The following HFM1 variants were observed in gnomAD, a reference collection of about 807,000 sequenced individuals.
The protein encoded by HFM1 is probable ATP-dependent DNA helicase HFM1.
Under a neutral mutation model 192.1 loss-of-function variants are expected in HFM1, and 169 were observed. The observed-to-expected ratio is 0.88, with a 90% CI of 0.78 to 1.00. The LOEUF is 1.00. Ranked by LOEUF, HFM1 falls within the 50% of genes least tolerant of loss-of-function variation. The pLI is 0.00. For synonymous variants in HFM1, 525 were observed against 537.8 expected (o/e 0.98, Z 0.33); for missense variants, 1,661 against 1,668.0 (o/e 1.00, Z 0.07).
In HFM1 at chr1:91,385,660, A is replaced by G. The variant is rs769478853; in HGVS notation, c.669T>C (p.Asn223=). ...FQYSANVFTA[N]NAFSASEIGE... ...CGATTTCAGAAGCAGAAAAAGCATT[A>G]TTTGCTGTAAACACATTTGCAGAAT... The change falls in exon 5 of 39, where the codon AAT becomes AAC. Residue 223 remains asparagine (N), a synonymous_variant. Coordinates refer to ENST00000370425, the MANE Select transcript of HFM1 (RefSeq NM_001017975.6). 2 of 1,611,616 alleles carry G rather than the reference A, an allele frequency of 1.2e-6. No homozygotes were observed. The highest frequency in any genetic ancestry group is 1.1e-5 in the South Asian group (1 of 91,048).
chr1:91,305,380 C>A (rs1649446641), intron 30 of HFM1, among the ~76,000 whole-genome samples: 1 of 152,016 alleles, frequency 6.6e-6, no homozygotes, highest in Non-Finnish European at 1.5e-5. Flanking sequence ...TCACTTCTTA[C>A]ACTTTTTTGT....
At chr1:91,381,947 G>T (rs1179907513) in intron 6 of HFM1, among the ~76,000 whole-genome samples, 1 of 152,066 alleles carries the variant, frequency 6.6e-6, no homozygotes, top group Non-Finnish European at 1.5e-5. Context: ...CTCTCAAAGT[G>T]TATGGCTATA....
intron 11 of HFM1, among the ~76,000 whole-genome samples, chr1:91,376,859 A>G (rs1178556459): frequency 6.6e-6 from 1 of 151,864 alleles, no homozygotes; most frequent in East Asian, 1.9e-4. Context: ...TATTGAAAGA[A>G]GCACTTCTTT....
intron 30 of HFM1, among the ~76,000 whole-genome samples, chr1:91,282,916 C>T (rs1257679504): frequency 2.0e-5 from 3 of 152,246 alleles, no homozygotes; most frequent in Non-Finnish European, 2.9e-5. Context: ...CACATTTGCT[C>T]CCAGTGGCAG....
At chr1:91,261,739 G>T (rs1441672496) in intron 38 of HFM1, 1 of 157,844 alleles carries the variant, frequency 6.3e-6, no homozygotes, top group Non-Finnish European at 1.4e-5. Context: ...AAGCAAAACA[G>T]TGTGAACAGG....
chr1:91,387,587 C>A (rs148406247), intron 4 of HFM1, among the ~76,000 whole-genome samples: 385 of 152,048 alleles, frequency 2.5e-3, no homozygotes, highest in African/African-American at 8.5e-3. Context: ...GGCACTGTCC[C>A]CGGAAATGAT....
At chr1:91,305,000 C>T (rs982656048) in intron 30 of HFM1, among the ~76,000 whole-genome samples, 1 of 152,150 alleles carries the variant, frequency 6.6e-6, no homozygotes, top group African/African-American at 2.4e-5. Context: ...TATTTCTACA[C>T]TCTCAGTTGT....
chr1:91,262,991 T>C (rs772066299), intron 36 of HFM1, among the ~76,000 whole-genome samples: 17 of 152,166 alleles, frequency 1.1e-4, no homozygotes, highest in Non-Finnish European at 1.6e-4. Flanking sequence ...TAGATATAAC[T>C]GTATAGAAGA....
intron 20 of HFM1, among the ~76,000 whole-genome samples, chr1:91,335,909 C>A (rs551017918): frequency 6.6e-6 from 1 of 152,130 alleles, no homozygotes; most frequent in South Asian, 2.1e-4. Context: ...GAGTTCCTAT[C>A]AACTTTGCCA....
chr1:91,352,427 A>G, intron 16 of HFM1, 79 bp downstream of exon 16: 3 of 1,056,380 alleles, frequency 2.8e-6, no homozygotes, highest in Non-Finnish European at 4.1e-6. Context: ...TACAATTATG[A>G]CATGCTAATC....
At chr1:91,379,998 G>A in intron 8 of HFM1, 106 bp downstream of exon 8, 1 of 493,846 alleles carries the variant, frequency 2.0e-6, no homozygotes, top group Non-Finnish European at 3.4e-6. Context: ...GAAATATATA[G>A]AAAATCAAGT....
intron 30 of HFM1, among the ~76,000 whole-genome samples, chr1:91,305,369 T>C (rs1247821124): frequency 6.6e-6 from 1 of 152,170 alleles, no homozygotes. Flanking sequence ...GTTTTCAGTG[T>C]TCACTTCTTA....
intron 11 of HFM1, among the ~76,000 whole-genome samples, chr1:91,376,167 G>C (rs1053429609): frequency 6.6e-6 from 1 of 151,936 alleles, no homozygotes; most frequent in Non-Finnish European, 1.5e-5. Context: ...GTTGGCAAGG[G>C]TTGACAAGTT....
chr1:91,285,377 C>T (rs1667862739), intron 30 of HFM1, among the ~76,000 whole-genome samples: 1 of 152,044 alleles, frequency 6.6e-6, no homozygotes, highest in Non-Finnish European at 1.5e-5. Flanking sequence ...TTGGAAATAG[C>T]CATTTAGCAA....
At chr1:91,264,458 C>T (rs1287499563) in intron 36 of HFM1, among the ~76,000 whole-genome samples, 3 of 138,434 alleles carry the variant, frequency 2.2e-5, no homozygotes, top group Non-Finnish European at 4.6e-5. Flanking sequence ...CTGCAAGCTC[C>T]GCCTCCCGGG....
chr1:91,281,011 A>G (rs1276506518), intron 30 of HFM1, among the ~76,000 whole-genome samples: 2 of 152,234 alleles, frequency 1.3e-5, no homozygotes, highest in African/African-American at 2.4e-5. Flanking sequence ...TCTAAGAGCT[A>G]TGGGAAGCCA....
At chr1:91,274,000 A>G (rs971577971) in intron 33 of HFM1, among the ~76,000 whole-genome samples, 185 bp from the exon 34 acceptor site, 28 of 152,102 alleles carry the variant, frequency 1.8e-4, no homozygotes, top group Non-Finnish European at 2.4e-4. Flanking sequence ...TTTCCTTTAC[A>G]TGCCCTTAGT....
chr1:91,369,081 G>C (rs576434652), intron 13 of HFM1, among the ~76,000 whole-genome samples: 1 of 152,228 alleles, frequency 6.6e-6, no homozygotes, highest in Non-Finnish European at 1.5e-5. Context: ...CAATACAGGA[G>C]CACCCAGATT....
At chr1:91,316,005 A>C in intron 27 of HFM1, 33 bp from the exon 28 acceptor site, 1 of 1,535,788 alleles carries the variant, frequency 6.5e-7, no homozygotes, top group Non-Finnish European at 9.0e-7. Flanking sequence ...AAAGTGTTAA[A>C]AATAACCTTA....
Sources: gnomAD v4.1 joint callset for allele counts (sites outside exome capture counted in the v4.1 genomes callset) on GRCh38, gnomAD v4.1.1 for gene constraint, MANE v1.5 for transcripts, NCBI Gene and HGNC (gene_info 2026-07-23, HGNC 2026-07-21) for gene names.